The following FSD1L variants were observed in gnomAD, a reference collection of about 807,000 sequenced individuals.
FSD1L encodes the protein FSD1-like protein.
In FSD1L, 45 loss-of-function variants were observed where a neutral mutation model predicts 71.6. That is an observed-to-expected ratio of 0.63 (90% CI 0.49 to 0.81). FSD1L has a LOEUF of 0.81. Among genes scored for constraint, FSD1L ranks in the 30% least tolerant of loss-of-function variants. The pLI, the probability that FSD1L is intolerant of heterozygous loss-of-function variation, is 0.00. For missense variants in FSD1L, 561 were observed against 618.1 expected (o/e 0.91, Z 0.98); for synonymous variants, 197 against 207.2 (o/e 0.95, Z 0.42).
intron 7 of FSD1L, among the ~76,000 whole-genome samples, chr9:105,503,214 C>T (rs1235484547): frequency 6.6e-6 from 1 of 152,026 alleles, no homozygotes; most frequent in Non-Finnish European, 1.5e-5. Flanking sequence ...TTTAAAAATT[C>T]ATGAAGGATG....
At chr9:105,446,590 C>T (rs1234313431), upstream of FSD1L, among the ~76,000 whole-genome samples, 1 of 151,856 alleles carries the variant, frequency 6.6e-6, no homozygotes, top group African/African-American at 2.4e-5. Context: ...AGGCTGGTCT[C>T]GAACTCCTGG....
chr9:105,490,746 C>G (rs1341332999), intron 7 of FSD1L, among the ~76,000 whole-genome samples: 1 of 118,976 alleles, frequency 8.4e-6, no homozygotes, highest in Non-Finnish European at 1.7e-5. Context: ...TTCCCAGCAC[C>G]ATTTATTAAA....
chr9:105,462,284 C>T (rs1304181548), intron 2 of FSD1L, among the ~76,000 whole-genome samples: 15 of 146,500 alleles, frequency 1.0e-4, no homozygotes, highest in African/African-American at 2.8e-4. Flanking sequence ...GGTGTGATCT[C>T]GGCTCACTGC....
intron 10 of FSD1L, among the ~76,000 whole-genome samples, chr9:105,528,932 C>T (rs1329610272): frequency 2.6e-5 from 4 of 152,176 alleles, no homozygotes; most frequent in African/African-American, 9.6e-5. Context: ...ACCAAATTTA[C>T]AAGAAAAAAA....
intron 10 of FSD1L, among the ~76,000 whole-genome samples, chr9:105,518,131 C>T (rs895424195): frequency 3.9e-5 from 6 of 152,142 alleles, no homozygotes; most frequent in Admixed American, 1.3e-4. Flanking sequence ...TATATATGCA[C>T]CCAACACAGG....
intron 7 of FSD1L, among the ~76,000 whole-genome samples, chr9:105,490,327 C>T (rs2131739894): frequency 6.6e-6 from 1 of 152,076 alleles, no homozygotes; most frequent in Admixed American, 6.6e-5. Flanking sequence ...CTGTTCATGT[C>T]CTTCGCCCAC....
intron 7 of FSD1L, among the ~76,000 whole-genome samples, chr9:105,496,600 A>G (rs989143704): frequency 1.3e-5 from 2 of 152,372 alleles, no homozygotes; most frequent in East Asian, 1.9e-4. Flanking sequence ...TCATATAAAC[A>G]TGGAACATAT....
rs1002432305 is a variant in FSD1L at position 105,549,525 on chromosome 9, T to C, written c.*3042T>C. The C allele has an allele frequency of 5.9e-5, 9 of 152,054 alleles. No homozygotes were observed. Among genetic ancestry groups the C allele is most frequent in the Non-Finnish European group, 1.5e-5 (1 of 67,912 alleles). 9.4% of individuals were successfully genotyped at this position (152,054 alleles called of 1,614,324 possible). A position where few individuals can be genotyped will look rare whatever the true frequency, so the allele number is the denominator to read the frequency against. ...CATGCCTGTCTATACATGGGTTTCA[T>C]TGATGGTATCTGTATCATCTTGACA... On this transcript the variant is annotated 3_prime_UTR_variant, in exon 14 of 14. Coordinates refer to ENST00000481272, the MANE Select transcript of FSD1L (RefSeq NM_001145313.3).
At chr9:105,478,870 C>A (rs1831986522) in intron 5 of FSD1L, among the ~76,000 whole-genome samples, 1 of 152,132 alleles carries the variant, frequency 6.6e-6, no homozygotes, top group Admixed American at 6.6e-5. Flanking sequence ...TCTGAGAATT[C>A]CTTGCCCTAT....
intron 10 of FSD1L, among the ~76,000 whole-genome samples, chr9:105,518,451 AAC>A (rs1265090331): frequency 1.3e-5 from 2 of 152,250 alleles, no homozygotes; most frequent in Non-Finnish European, 2.9e-5. Flanking sequence ...TGGAAATCAT[AAC>A]AGTCAGTCTC....
At chr9:105,533,642 C>G (rs1383959216) in intron 10 of FSD1L, among the ~76,000 whole-genome samples, 2 of 150,208 alleles carry the variant, frequency 1.3e-5, no homozygotes, top group Non-Finnish European at 3.0e-5. Context: ...AGGCTGGTCT[C>G]GAACTCCAGA....
chr9:105,470,981 G>C (rs189409209), intron 4 of FSD1L, among the ~76,000 whole-genome samples: 9 of 152,084 alleles, frequency 5.9e-5, no homozygotes, highest in African/African-American at 2.2e-4. Flanking sequence ...CTTTGGAATG[G>C]CCTTTAAGCA....
chr9:105,523,400 A>C lies in FSD1L; in HGVS notation c.1025+10464A>C, dbSNP rs1248108858. 3 of 1,605,902 alleles carry C rather than the reference A, an allele frequency of 1.9e-6. No individual in the cohort carries two copies. The African/African-American group carries it at 4.0e-5, about 21-fold the overall frequency. ...CATCAGAATGTTGTAGTGTGATGGCAGGAGGTACTCTGACTGGATGGCATG... is the reference window on the plus strand; with the variant it reads ...CATCAGAATGTTGTAGTGTGATGGCCGGAGGTACTCTGACTGGATGGCATG... On this transcript the variant is annotated intron_variant, in intron 10 of 13. Coordinates refer to ENST00000481272, the MANE Select transcript of FSD1L (RefSeq NM_001145313.3).
chr9:105,505,330 G>A (rs1051847023), intron 7 of FSD1L, among the ~76,000 whole-genome samples: 5 of 152,122 alleles, frequency 3.3e-5, no homozygotes, highest in Admixed American at 6.6e-5. Flanking sequence ...GCACGATCTC[G>A]GCTCACTGCA....
chr9:105,477,726 A>G lies in FSD1L; in HGVS notation c.442-1628A>G, dbSNP rs531357383. ...TTTAATGATAGTAATTAAAAAATCA[A>G]TTAAATTAACTTTTTAAACATTTTC... is the stretch of plus-strand genomic sequence containing the variant. On this transcript the variant is annotated intron_variant, in intron 5 of 13. Transcript: ENST00000481272. Among the ~76,000 whole-genome samples, 4 of 152,316 alleles carry G rather than the reference A, an allele frequency of 2.6e-5. No homozygotes were observed. The East Asian group carries it at 5.8e-4, about 22-fold the overall frequency.
At chr9:105,478,595 T>C (rs1831969820) in intron 5 of FSD1L, among the ~76,000 whole-genome samples, 1 of 152,174 alleles carries the variant, frequency 6.6e-6, no homozygotes, top group East Asian at 1.9e-4. Flanking sequence ...TTTTACTTGT[T>C]TTTTATTATT....
intron 8 of FSD1L, 130 bp downstream of exon 8, chr9:105,506,738 T>C: frequency 1.6e-6 from 1 of 633,440 alleles, no homozygotes; most frequent in Middle Eastern, 4.5e-4. Flanking sequence ...ATACTCAGTA[T>C]GGAAGTGATT....
chr9:105,461,404 G>A, intron 1 of FSD1L, 116 bp from the exon 2 acceptor site: 1 of 464,702 alleles, frequency 2.2e-6, no homozygotes, highest in Non-Finnish European at 3.8e-6. Context: ...ACTACATGTT[G>A]AAATGATAAT....
intron 7 of FSD1L, 77 bp from the exon 8 acceptor site, chr9:105,506,321 TA>T (rs1276415438): frequency 5.5e-6 from 6 of 1,093,390 alleles, no homozygotes; most frequent in Middle Eastern, 2.0e-4. Flanking sequence ...TTGAATGATA[TA>T]AATGTGATAT....
Sources: gnomAD v4.1 joint callset for allele counts (sites outside exome capture counted in the v4.1 genomes callset) on GRCh38, gnomAD v4.1.1 for gene constraint, MANE v1.5 for transcripts, NCBI Gene and HGNC (gene_info 2026-07-23, HGNC 2026-07-21) for gene names.